Variants in ACER1 observed in about 807,000 individuals in gnomAD.
The protein encoded by ACER1 is alkaline ceramidase 1, also known as CTB-180A7.3.
In ACER1, 28 loss-of-function variants were observed where a neutral mutation model predicts 24.9. The ratio of observed to expected loss-of-function variants is 1.13; its 90% CI spans 0.83 to 1.54. The LOEUF (loss-of-function observed/expected upper bound fraction) is 1.54, where lower values mean the gene tolerates loss of function less well. ACER1 is among the 40% of genes most tolerant of loss of function. The pLI is 0.00. For missense variants in ACER1, 352 were observed against 349.3 expected (o/e 1.01, Z -0.06); for synonymous variants, 132 against 131.4 (o/e 1.00, Z -0.03).
chr19:6,309,442 AG>A (rs2091566630), intron 4 of ACER1, among the ~76,000 whole-genome samples: 1 of 152,014 alleles, frequency 6.6e-6, no homozygotes, highest in African/African-American at 2.4e-5. Flanking sequence ...GGATTGCTTG[AG>A]CCTGGGAGGT....
At chr19:6,306,978 AG>A in intron 5 of ACER1, 96 bp from the exon 6 acceptor site, 1 of 1,509,730 alleles carries the variant, frequency 6.6e-7, no homozygotes. Context: ...CCATCCATCC[AG>A]GGGAGCCTTC....
chr19:6,346,777 T>G, the ACER1 span, among the ~76,000 whole-genome samples: 18 of 151,906 alleles, frequency 1.2e-4, no homozygotes, highest in African/African-American at 4.4e-4. Flanking sequence ...AGGTTTAAAA[T>G]CTGTCCATCT....
chr19:6,353,491 A>C, the ACER1 span: 1 of 148,168 alleles, frequency 6.7e-6, no homozygotes, highest in Non-Finnish European at 1.5e-5. Context: ...ATAAATAAAT[A>C]AAGTTGTTTT....
At chr19:6,315,097 G>A (rs1438802432) in intron 1 of ACER1, among the ~76,000 whole-genome samples, 4 of 151,478 alleles carry the variant, frequency 2.6e-5, no homozygotes, top group South Asian at 4.2e-4. Context: ...GGGTTTCACC[G>A]TGGTCTCAAT....
At chr19:6,351,490 AGAGGCTGAG>A in the ACER1 span, among the ~76,000 whole-genome samples, 1 of 144,516 alleles carries the variant, frequency 6.9e-6, no homozygotes, top group African/African-American at 2.6e-5. Flanking sequence ...CAGCACTTTG[AGAGGCTGAG>A]GCAGGAGGAT....
the ACER1 span, among the ~76,000 whole-genome samples, chr19:6,338,882 C>CT: frequency 8.2e-4 from 118 of 143,304 alleles, no homozygotes; most frequent in South Asian, 1.1e-3. Context: ...GCCTTAAAAT[C>CT]TTTTTTTTTT....
chr19:6,339,659 GGTTTTT>G, the ACER1 span, among the ~76,000 whole-genome samples: 1 of 151,938 alleles, frequency 6.6e-6, no homozygotes, highest in African/African-American at 2.4e-5. Flanking sequence ...AATGATTTAG[GGTTTTT>G]GTTTTTGTTT....
At chr19:6,335,223 T>C (rs1157338467), upstream of ACER1, among the ~76,000 whole-genome samples, 1 of 140,086 alleles carries the variant, frequency 7.1e-6, no homozygotes, top group Non-Finnish European at 1.5e-5. Context: ...CATTTAACGT[T>C]CTTTTTTTTT....
chr19:6,306,844 A>G lies in ACER1; in HGVS notation c.665T>C (p.Val222Ala), dbSNP rs1274084307. Reference protein sequence around the residue: ...LISITFPYGMVTMALVDANYE... With the variant: ...LISITFPYGMATMALVDANYE... ...GTTGGCATCCACCAAGGCCATGGTG[A>G]CCATGCCATAAGGGAAGGTGATGCT... Residue 222 changes from valine (V) to alanine (A), a missense_variant, in exon 6 of 6, where the codon GTC (valine) becomes GCC (alanine). Coordinates refer to ENST00000301452, the MANE Select transcript of ACER1 (RefSeq NM_133492.3). The G allele has an allele frequency of 1.2e-6, 2 of 1,613,990 alleles. No individual in the cohort carries two copies. Among genetic ancestry groups the G allele is most frequent in the South Asian group, 2.2e-5 (2 of 91,078 alleles).
At position 6,311,479 on chromosome 19, in the gene ACER1, C is replaced by T. The variant is rs546771125; in HGVS notation, c.350+670G>A. ...ATCACTTGAACCCTGAAGGCAGAGG[C>T]TGCAGTGAGCCGAGATCGCACCACT... On this transcript the variant is annotated intron_variant, in intron 3 of 5. Transcript: ENST00000301452. Among the ~76,000 whole-genome samples the T allele has an allele frequency of 5.3e-5, 8 of 151,882 alleles. No individual in the cohort carries two copies. The South Asian group carries it at 1.2e-3, about 24-fold the overall frequency.
At chr19:6,352,864 G>A in the ACER1 span, among the ~76,000 whole-genome samples, 1 of 152,182 alleles carries the variant, frequency 6.6e-6, no homozygotes, top group Middle Eastern at 3.4e-3. Context: ...ATTTCAATAG[G>A]CCCATTTGCA....
chr19:6,308,324 A>G (rs994605489), intron 4 of ACER1, among the ~76,000 whole-genome samples: 2 of 150,536 alleles, frequency 1.3e-5, no homozygotes, highest in Non-Finnish European at 2.9e-5. Context: ...AATTTCAGCT[A>G]CTCAGGAGGC....
chr19:6,343,393 C>T, the ACER1 span, among the ~76,000 whole-genome samples: 1 of 152,046 alleles, frequency 6.6e-6, no homozygotes, highest in East Asian at 1.9e-4. Context: ...TCCATCCCAA[C>T]ACGTGACCTC....
At chr19:6,332,815 T>A (rs1296100021) in intron 1 of ACER1, among the ~76,000 whole-genome samples, 1 of 152,090 alleles carries the variant, frequency 6.6e-6, no homozygotes, top group Non-Finnish European at 1.5e-5. Flanking sequence ...GGACTACAGA[T>A]GCCTGACACC....
chr19:6,307,107 G>T, intron 5 of ACER1, 46 bp downstream of exon 5: 1 of 1,608,136 alleles, frequency 6.2e-7, no homozygotes. Context: ...TGGCATCTAA[G>T]ATTCTCTGAC....
At chr19:6,334,169 C>T (rs970118018), upstream of ACER1, among the ~76,000 whole-genome samples, 14 of 151,994 alleles carry the variant, frequency 9.2e-5, no homozygotes, top group Admixed American at 2.0e-4. Context: ...CTCAGCCTCC[C>T]GAGTAGCTGG....
intron 1 of ACER1, among the ~76,000 whole-genome samples, chr19:6,325,957 GT>G (rs1290228593): frequency 6.6e-6 from 1 of 151,384 alleles, no homozygotes; most frequent in African/African-American, 2.4e-5. Context: ...TGTTGTTTTT[GT>G]TTTTGTTTTA....
At chr19:6,359,209 G>A in the ACER1 span, among the ~76,000 whole-genome samples, 16,495 of 152,100 alleles carry the variant, frequency 0.11, 1,238 homozygotes, top group East Asian at 0.39. Context: ...TCCAGCCTGG[G>A]TGACAGAGCG....
chr19:6,346,674 TG>T, the ACER1 span, among the ~76,000 whole-genome samples: 1 of 151,786 alleles, frequency 6.6e-6, no homozygotes, highest in South Asian at 2.1e-4. Flanking sequence ...CCTCTCTCCT[TG>T]GCTTCTAGAT....
Sources: gnomAD v4.1 joint callset for allele counts (sites outside exome capture counted in the v4.1 genomes callset) on GRCh38, gnomAD v4.1.1 for gene constraint, MANE v1.5 for transcripts, NCBI Gene and HGNC (gene_info 2026-07-23, HGNC 2026-07-21) for gene names.